GPD2: variants seen among roughly 807,000 people sequenced by gnomAD.
GPD2 encodes the protein glycerol-3-phosphate dehydrogenase, mitochondrial.
GPD2 carries 54 observed loss-of-function variants against 82.4 expected under a neutral mutation model. That is an observed-to-expected ratio of 0.66 (90% confidence interval 0.53 to 0.82). The LOEUF is 0.82. GPD2 is among the 40% of genes least tolerant of loss of function. The pLI is 0.00. For missense variants in GPD2, 748 were observed against 896.2 expected, an observed-to-expected ratio of 0.83 and a Z score of 2.11; for synonymous variants, 288 against 306.1, an observed-to-expected ratio of 0.94 and a Z score of 0.62.
In GPD2 at chr2:156,439,522, AAAAAAAAAAAAAAAAAAC is replaced by A. The variant is rs1476634333; in HGVS notation, c.-9+3023_-9+3040del. Among the ~76,000 whole-genome samples the A allele has an allele frequency of 5.7e-4, 53 of 92,824 alleles. 1 individual carries two copies. The highest frequency in any genetic ancestry group is 5.6e-3 in the South Asian group (13 of 2,332). 60.9% of individuals were successfully genotyped at this position (92,824 alleles called of 152,430 possible). ...GCTTGAGACTGTCTCAGAAAAAAAA[AAAAAAAAAAAAAAAAAAC>A]AAAAAAAAAAAAACAAGCCAGGCAG... On this transcript the variant is annotated intron_variant, in intron 1 of 16. Coordinates refer to ENST00000438166, the MANE Select transcript of GPD2 (RefSeq NM_000408.5).
chr2:156,537,429 G>A (rs1355078269), intron 6 of GPD2, among the ~76,000 whole-genome samples: 1 of 152,170 alleles, frequency 6.6e-6, no homozygotes, highest in Non-Finnish European at 1.5e-5. Context: ...CTCACTGAAA[G>A]CATGGTATTT....
chr2:156,492,309 A>G (rs919099059), intron 2 of GPD2, among the ~76,000 whole-genome samples: 3 of 151,234 alleles, frequency 2.0e-5, no homozygotes, highest in African/African-American at 7.3e-5. Context: ...GTGTGCCACC[A>G]TGCCCGGCTA....
chr2:156,432,631 A>G (rs1431018889), upstream of GPD2, among the ~76,000 whole-genome samples: 2 of 152,222 alleles, frequency 1.3e-5, no homozygotes, highest in Admixed American at 1.3e-4. Context: ...ATTTTTAAGA[A>G]TTAACAACTT....
chr2:156,575,676 G>A (rs1420399274), intron 13 of GPD2, among the ~76,000 whole-genome samples: 1 of 151,980 alleles, frequency 6.6e-6, no homozygotes, highest in Non-Finnish European at 1.5e-5. Context: ...AAAGTGCTGG[G>A]ATCACAGGCA....
chr2:156,401,172 G>A, the GPD2 span, among the ~76,000 whole-genome samples: 7 of 152,272 alleles, frequency 4.6e-5, no homozygotes, highest in East Asian at 1.9e-4. Flanking sequence ...TCGAACCCGG[G>A]CCTCCCGCGT....
chr2:156,499,405 G>A (rs1327913731), intron 3 of GPD2, among the ~76,000 whole-genome samples: 2 of 152,066 alleles, frequency 1.3e-5, no homozygotes, highest in African/African-American at 2.4e-5. Flanking sequence ...TGAAAACAGA[G>A]GAAATTGTTG....
At chr2:156,548,666 C>T (rs1686640664) in intron 6 of GPD2, among the ~76,000 whole-genome samples, 1 of 152,112 alleles carries the variant, frequency 6.6e-6, no homozygotes, top group Non-Finnish European at 1.5e-5. Context: ...GGTATGCTGG[C>T]AACATAAATC....
At chr2:156,506,969 A>G (rs1684805983) in intron 3 of GPD2, among the ~76,000 whole-genome samples, 2 of 152,250 alleles carry the variant, frequency 1.3e-5, no homozygotes, top group South Asian at 2.1e-4. Context: ...GTAACTGTGT[A>G]AAATACTAAA....
chr2:156,434,594 T>G (rs569087350), upstream of GPD2, among the ~76,000 whole-genome samples: 2 of 152,290 alleles, frequency 1.3e-5, no homozygotes, highest in Non-Finnish European at 2.9e-5. Context: ...AGCATGAGTG[T>G]GGGGGGTGCA....
intron 3 of GPD2, among the ~76,000 whole-genome samples, chr2:156,503,899 G>C (rs1317750172): frequency 2.0e-5 from 3 of 151,796 alleles, no homozygotes; most frequent in Admixed American, 2.0e-4. Flanking sequence ...TTGAACATTG[G>C]GTATGTTTGA....
At chr2:156,527,688 G>T (rs1310363282) in intron 6 of GPD2, among the ~76,000 whole-genome samples, 28 of 151,898 alleles carry the variant, frequency 1.8e-4, no homozygotes, top group Admixed American at 1.7e-3. Context: ...AATAATGAAA[G>T]CAACTACCAA....
intron 6 of GPD2, among the ~76,000 whole-genome samples, chr2:156,548,142 T>G (rs1686620178): frequency 6.6e-6 from 1 of 152,244 alleles, no homozygotes; most frequent in Non-Finnish European, 1.5e-5. Context: ...GGAAATTTTA[T>G]TTAGTTTCTT....
intron 1 of GPD2, among the ~76,000 whole-genome samples, chr2:156,461,974 T>G (rs1271332165): frequency 6.6e-6 from 1 of 152,362 alleles, no homozygotes; most frequent in Non-Finnish European, 1.5e-5. Flanking sequence ...TTTGGTTATA[T>G]TCTAAGAAAT....
chr2:156,444,720 T>TAC (rs397789170), intron 1 of GPD2, among the ~76,000 whole-genome samples: 89,477 of 150,064 alleles, frequency 0.6, 26,886 homozygotes, highest in East Asian at 0.75. Flanking sequence ...CAAAAACAAA[T>TAC]ACACACACAC....
At chr2:156,504,055 G>A (rs1336617951) in intron 3 of GPD2, among the ~76,000 whole-genome samples, 1 of 151,996 alleles carries the variant, frequency 6.6e-6, no homozygotes, top group Non-Finnish European at 1.5e-5. Flanking sequence ...TTAATGATGT[G>A]TTCTAACAAC....
intron 9 of GPD2, among the ~76,000 whole-genome samples, chr2:156,558,169 T>G (rs977060524): frequency 2.6e-5 from 4 of 152,196 alleles, no homozygotes; most frequent in Non-Finnish European, 5.9e-5. Flanking sequence ...AGTTTTTTGT[T>G]TTTTTCATTC....
chr2:156,538,747 G>A (rs976372730), intron 6 of GPD2, among the ~76,000 whole-genome samples: 32 of 151,072 alleles, frequency 2.1e-4, no homozygotes, highest in African/African-American at 7.6e-4. Context: ...TGTGAATCCA[G>A]GAGGGGGAGC....
chr2:156,535,794 G>A (rs1686055704), intron 6 of GPD2, among the ~76,000 whole-genome samples: 1 of 152,160 alleles, frequency 6.6e-6, no homozygotes, highest in Non-Finnish European at 1.5e-5. Flanking sequence ...CAGCATTTTG[G>A]AAAGAATATC....
the GPD2 span, among the ~76,000 whole-genome samples, chr2:156,420,158 A>G: frequency 1.3e-5 from 2 of 152,164 alleles, no homozygotes; most frequent in Non-Finnish European, 2.9e-5. Flanking sequence ...AATGAAATAC[A>G]TATCTCTATC....
Sources: gnomAD v4.1 joint callset for allele counts (sites outside exome capture counted in the v4.1 genomes callset) on GRCh38, gnomAD v4.1.1 for gene constraint, MANE v1.5 for transcripts, NCBI Gene and HGNC (gene_info 2026-07-23, HGNC 2026-07-21) for gene names.